NTM: variants seen among roughly 807,000 people sequenced by gnomAD.
NTM encodes neurotrimin, also known as IgLON family member 2.
A neutral mutation model predicts 42.1 loss-of-function variants in NTM; 13 were observed. The observed-to-expected ratio is 0.31, with a 90% CI of 0.20 to 0.49. The LOEUF (loss-of-function observed/expected upper bound fraction) is 0.49, where lower values mean the gene tolerates loss of function less well. Ranked by LOEUF, NTM falls within the 20% of genes least tolerant of loss-of-function variation. NTM has a pLI of 0.99. For synonymous variants in NTM, 187 were observed against 179.2 expected, an observed-to-expected ratio of 1.04 and a Z score of -0.35; for missense variants, 373 against 452.8, an observed-to-expected ratio of 0.82 and a Z score of 1.60.
intron 1 of NTM, among the ~76,000 whole-genome samples, chr11:131,818,354 A>C (rs2093037231): frequency 6.6e-6 from 1 of 152,160 alleles, no homozygotes; most frequent in African/African-American, 2.4e-5. Context: ...AAAGATTTTT[A>C]CCTAGTGACA....
chr11:132,017,630 T>C (rs1229742258), intron 2 of NTM, among the ~76,000 whole-genome samples: 1 of 152,064 alleles, frequency 6.6e-6, no homozygotes, highest in Non-Finnish European at 1.5e-5. Flanking sequence ...TTTTAGTTTT[T>C]TCTATATCTT....
intron 1 of NTM, among the ~76,000 whole-genome samples, chr11:131,715,775 C>T (rs2077631711): frequency 6.6e-6 from 1 of 152,182 alleles, no homozygotes; most frequent in African/African-American, 2.4e-5. Flanking sequence ...TTTTGTCTGG[C>T]TTCCTTCACT....
chr11:131,970,456 C>A (rs1226332155), intron 2 of NTM, among the ~76,000 whole-genome samples: 1 of 152,204 alleles, frequency 6.6e-6, no homozygotes. Flanking sequence ...CTTCTGGAAA[C>A]TTTATCCTTC....
intron 4 of NTM, among the ~76,000 whole-genome samples, chr11:132,224,234 C>T (rs184999643): frequency 5.2e-4 from 79 of 152,244 alleles, no homozygotes; most frequent in Admixed American, 9.8e-4. Context: ...AGGAGGCACT[C>T]CCCTCAGGAA....
intron 1 of NTM, among the ~76,000 whole-genome samples, chr11:131,440,773 A>C (rs1158910792): frequency 7.3e-6 from 1 of 137,354 alleles, no homozygotes; most frequent in Non-Finnish European, 1.5e-5. Context: ...CAGACTTTCA[A>C]CAGTTGTCTT....
chr11:132,076,835 T>C (rs2058430961), intron 2 of NTM, among the ~76,000 whole-genome samples: 1 of 152,204 alleles, frequency 6.6e-6, no homozygotes, highest in African/African-American at 2.4e-5. Flanking sequence ...CAAAGCCAAT[T>C]ACAAATTTAT....
At chr11:131,953,918 C>T (rs1321355281) in intron 2 of NTM, among the ~76,000 whole-genome samples, 1 of 152,174 alleles carries the variant, frequency 6.6e-6, no homozygotes, top group East Asian at 1.9e-4. Context: ...CCAAGCCACT[C>T]CGTGGAGATG....
intron 4 of NTM, among the ~76,000 whole-genome samples, chr11:132,246,209 C>CGCA (rs1162061876): frequency 6.6e-6 from 1 of 152,190 alleles, no homozygotes; most frequent in Non-Finnish European, 1.5e-5. Context: ...GGGCCTTTGC[C>CGCA]GCACCTCCCG....
intron 1 of NTM, among the ~76,000 whole-genome samples, chr11:131,566,100 G>A (rs570476130): frequency 3.9e-5 from 6 of 152,232 alleles, no homozygotes; most frequent in South Asian, 4.1e-4. Context: ...TGCTCTTAAC[G>A]TCTCTCCCTT....
At chr11:132,084,273 A>C (rs117424843) in intron 2 of NTM, among the ~76,000 whole-genome samples, 1 of 152,240 alleles carries the variant, frequency 6.6e-6, no homozygotes, top group Non-Finnish European at 1.5e-5. Context: ...ATGATTGACA[A>C]AGAAATTTGG....
intron 1 of NTM, among the ~76,000 whole-genome samples, chr11:131,545,053 A>G (rs775800479): frequency 2.0e-5 from 3 of 152,172 alleles, no homozygotes; most frequent in Non-Finnish European, 2.9e-5. Flanking sequence ...TATGTCTTCT[A>G]TCACTGTCAC....
chr11:131,374,443 T>A (rs1941685075), intron 1 of NTM, among the ~76,000 whole-genome samples: 1 of 152,198 alleles, frequency 6.6e-6, no homozygotes, highest in Non-Finnish European at 1.5e-5. Context: ...GATTCTTCCC[T>A]TTTTTGGTTC....
chr11:131,958,395 C>T (rs1263690380), intron 2 of NTM, among the ~76,000 whole-genome samples: 1 of 152,102 alleles, frequency 6.6e-6, no homozygotes. Context: ...TAAGCCAAAA[C>T]TTCAGATAGT....
intron 1 of NTM, among the ~76,000 whole-genome samples, chr11:131,777,870 T>A (rs2087330873): frequency 6.6e-6 from 1 of 152,202 alleles, no homozygotes; most frequent in Admixed American, 6.5e-5. Flanking sequence ...GAATTGATAA[T>A]TGCCTATGGG....
intron 4 of NTM, among the ~76,000 whole-genome samples, chr11:132,215,642 G>A (rs182095828): frequency 2.6e-5 from 4 of 152,120 alleles, no homozygotes; most frequent in African/African-American, 9.7e-5. Flanking sequence ...GACCTCCAAG[G>A]CCACCTCTTG....
At chr11:131,824,751 T>G (rs2041928206) in intron 1 of NTM, among the ~76,000 whole-genome samples, 1 of 152,178 alleles carries the variant, frequency 6.6e-6, no homozygotes, top group Non-Finnish European at 1.5e-5. Context: ...TCCTCAGGGA[T>G]GCCTTTCTTT....
chr11:132,321,379 T>A (rs1158728251), intron 7 of NTM, among the ~76,000 whole-genome samples: 33 of 152,168 alleles, frequency 2.2e-4, no homozygotes, highest in Non-Finnish European at 4.4e-5. Flanking sequence ...ACGTGAAGAA[T>A]GCAGAAGCCT....
At chr11:132,144,583 C>A (rs192763819) in intron 2 of NTM, among the ~76,000 whole-genome samples, 1 of 152,318 alleles carries the variant, frequency 6.6e-6, no homozygotes, top group East Asian at 1.9e-4. Context: ...TATGACCCAA[C>A]TGAGATGTTG....
intron 1 of NTM, among the ~76,000 whole-genome samples, chr11:131,900,716 G>A (rs1404771587): frequency 1.3e-5 from 2 of 152,090 alleles, no homozygotes; most frequent in African/African-American, 4.8e-5. Flanking sequence ...TAAGAGGGAA[G>A]AGATTAAAAG....
Sources: allele counts gnomAD v4.1 joint callset (sites outside exome capture counted in the v4.1 genomes callset), GRCh38; gene constraint gnomAD v4.1.1; transcripts MANE v1.5; gene names NCBI Gene and HGNC (gene_info 2026-07-23, HGNC 2026-07-21).